KIAA1958: variants seen among roughly 807,000 people sequenced by gnomAD.
The protein encoded by KIAA1958 is KIAA1958, also known as uncharacterized protein KIAA1958.
KIAA1958 carries 14 observed loss-of-function variants against 47.2 expected under a neutral mutation model. That is an observed-to-expected ratio of 0.30 (90% CI 0.20 to 0.46). The LOEUF (loss-of-function observed/expected upper bound fraction) is 0.46, where lower values mean the gene tolerates loss of function less well. Among genes scored for constraint, KIAA1958 ranks in the 20% least tolerant of loss-of-function variants. The probability of loss-of-function intolerance (pLI) is 1.00; values close to 1 mark genes in which losing one functional copy is unlikely to be tolerated. For missense variants in KIAA1958, 803 were observed against 909.2 expected (o/e 0.88, Z 1.50); for synonymous variants, 354 against 353.3 (o/e 1.00, Z -0.02).
chr9:112,617,239 C>T (rs1836421572), intron 2 of KIAA1958, among the ~76,000 whole-genome samples: 1 of 152,204 alleles, frequency 6.6e-6, no homozygotes, highest in African/African-American at 2.4e-5. Flanking sequence ...TCATTACCCT[C>T]CAAAATACCA....
At chr9:112,545,509 T>C (rs1327680648) in intron 1 of KIAA1958, among the ~76,000 whole-genome samples, 1 of 152,212 alleles carries the variant, frequency 6.6e-6, no homozygotes, top group African/African-American at 2.4e-5. Flanking sequence ...ATGTATATTT[T>C]TGTACTTTTT....
At position 112,574,968 on chromosome 9, in the gene KIAA1958, C is replaced by T. The variant is rs1432061572; in HGVS notation, c.888C>T (p.Pro296=). The change falls in exon 2 of 4, where the codon CCC becomes CCT. Residue 296 remains proline, a synonymous_variant. Transcript: ENST00000337530. ...RVSLASPNRG[P]PGTHGTNQQV... The stretch of plus-strand genomic sequence containing the variant: ...CTCTGGCTTCACCAAACAGAGGACC[C>T]CCTGGTACACATGGCACCAACCAAC... 2.5e-6 allele frequency: 4 copies of T among 1,614,036 alleles called. No homozygotes were observed. Among genetic ancestry groups the T allele is most frequent in the Non-Finnish European group, 3.4e-6 (4 of 1,180,046 alleles).
intron 2 of KIAA1958, among the ~76,000 whole-genome samples, chr9:112,586,840 G>T (rs1001447245): frequency 2.6e-5 from 4 of 152,180 alleles, no homozygotes; most frequent in Non-Finnish European, 4.4e-5. Context: ...ATTCCTTGAG[G>T]TCTGAAAAGA....
At position 112,664,765 on chromosome 9, in the gene KIAA1958, C is replaced by T. The variant is rs933682347; in HGVS notation, c.*4696C>T. On this transcript the variant is annotated 3_prime_UTR_variant, in exon 4 of 4. Coordinates refer to ENST00000337530, the MANE Select transcript of KIAA1958 (RefSeq NM_133465.4). The stretch of plus-strand genomic sequence containing the variant: ...GAGGGAGGGATTTGTGGTGACCTAC[C>T]GCTGCCCTCCCTTTCTAAGAGAAGA... 7.9e-5 allele frequency: 12 copies of T among 152,096 alleles called. No individual in the cohort carries two copies. The highest frequency in any genetic ancestry group is 3.3e-4 in the Admixed American group (5 of 15,262). The allele number at this position is 152,096 out of a possible 1,614,324, so 9.4% of individuals were successfully genotyped here.
intron 1 of KIAA1958, among the ~76,000 whole-genome samples, chr9:112,545,654 G>A (rs1395568313): frequency 1.3e-5 from 2 of 152,142 alleles, no homozygotes; most frequent in African/African-American, 2.4e-5. Context: ...CTATTTGCCA[G>A]GAGGGAGTTT....
chr9:112,598,498 G>A lies in KIAA1958; in HGVS notation c.1171+23247G>A, dbSNP rs1005739530. On this transcript the variant is annotated intron_variant, in intron 2 of 3. Transcript: ENST00000337530. ...TGTGTGGAGAACATTTTGAATGAGG[G>A]CAAGAGTGAGCATAGGGAATTCTCA... Among the ~76,000 whole-genome samples the A allele has an allele frequency of 6.4e-4, 98 of 152,174 alleles. 1 individual carries two copies. The highest frequency in any genetic ancestry group is 6.4e-3 in the Admixed American group (98 of 15,276).
At chr9:112,620,568 C>T (rs1836486664) in intron 2 of KIAA1958, among the ~76,000 whole-genome samples, 1 of 152,140 alleles carries the variant, frequency 6.6e-6, no homozygotes, top group African/African-American at 2.4e-5. Flanking sequence ...GGAAGTCAGC[C>T]ATGGACTTTG....
intron 2 of KIAA1958, among the ~76,000 whole-genome samples, chr9:112,608,787 C>T (rs1410340244): frequency 2.6e-5 from 4 of 151,920 alleles, no homozygotes; most frequent in East Asian, 3.9e-4. Context: ...ACCTGTAGTC[C>T]CACCTGCTCA....
At chr9:112,658,816 C>CCG (rs1837201418) in intron 3 of KIAA1958, among the ~76,000 whole-genome samples, 1 of 147,716 alleles carries the variant, frequency 6.8e-6, no homozygotes, top group Admixed American at 6.7e-5. Flanking sequence ...AAAATTAGAT[C>CCG]GAGACCATCC....
chr9:112,565,360 T>C (rs907749937), intron 1 of KIAA1958, among the ~76,000 whole-genome samples: 4 of 152,212 alleles, frequency 2.6e-5, no homozygotes, highest in African/African-American at 9.6e-5. Flanking sequence ...TTCTTTGGCC[T>C]CCCAAAGTGC....
intron 2 of KIAA1958, among the ~76,000 whole-genome samples, chr9:112,583,580 A>T (rs1835770503): frequency 6.6e-6 from 1 of 152,242 alleles, no homozygotes; most frequent in Non-Finnish European, 1.5e-5. Flanking sequence ...CTTAGTGTCT[A>T]TCAATAGGGA....
intron 1 of KIAA1958, among the ~76,000 whole-genome samples, chr9:112,559,679 C>T (rs958975166): frequency 6.6e-6 from 1 of 152,202 alleles, no homozygotes; most frequent in Admixed American, 6.5e-5. Context: ...TTATGAGACA[C>T]TGTTACTCTG....
chr9:112,647,013 G>A (rs1836986620), intron 3 of KIAA1958, among the ~76,000 whole-genome samples: 1 of 152,158 alleles, frequency 6.6e-6, no homozygotes, highest in African/African-American at 2.4e-5. Context: ...AAGCCCAAGG[G>A]CAAGTGAGAT....
intron 2 of KIAA1958, among the ~76,000 whole-genome samples, chr9:112,577,776 GAA>G (rs35264533): frequency 2.2e-4 from 32 of 146,082 alleles, no homozygotes; most frequent in Non-Finnish European, 3.0e-4. Flanking sequence ...CAGCCTATTT[GAA>G]AAAAAAAAAA....
intron 1 of KIAA1958, among the ~76,000 whole-genome samples, chr9:112,523,320 G>A (rs893903870): frequency 3.9e-5 from 6 of 152,142 alleles, no homozygotes; most frequent in Non-Finnish European, 7.4e-5. Flanking sequence ...GCGTGGTGAT[G>A]TACACCTGTA....
intron 2 of KIAA1958, among the ~76,000 whole-genome samples, chr9:112,591,996 C>G (rs924690793): frequency 6.6e-6 from 1 of 152,120 alleles, no homozygotes. Flanking sequence ...GCTGCTGTGT[C>G]GTTCCTCTAT....
At chr9:112,624,058 C>G (rs1836559410) in intron 2 of KIAA1958, among the ~76,000 whole-genome samples, 1 of 152,166 alleles carries the variant, frequency 6.6e-6, no homozygotes, top group South Asian at 2.1e-4. Flanking sequence ...TAAAAACTCT[C>G]TCCCAGATGA....
At chr9:112,636,548 T>C (rs575952242) in intron 2 of KIAA1958, among the ~76,000 whole-genome samples, 149 of 152,296 alleles carry the variant, frequency 9.8e-4, no homozygotes, top group Admixed American at 3.7e-3. Context: ...TATATGTCTA[T>C]AGGCATTGTT....
intron 2 of KIAA1958, among the ~76,000 whole-genome samples, chr9:112,637,406 G>A (rs1007788042): frequency 6.6e-6 from 1 of 151,866 alleles, no homozygotes; most frequent in Non-Finnish European, 1.5e-5. Context: ...TTTTTAGATG[G>A]AGTTTCGCTC....
Sources: gnomAD v4.1 joint callset for allele counts (sites outside exome capture counted in the v4.1 genomes callset) on GRCh38, gnomAD v4.1.1 for gene constraint, MANE v1.5 for transcripts, NCBI Gene and HGNC (gene_info 2026-07-23, HGNC 2026-07-21) for gene names.